Variants in P2RX5 observed in about 807,000 individuals in gnomAD.
The protein encoded by P2RX5 is P2X purinoceptor 5.
In P2RX5, 46 loss-of-function variants were observed where a neutral mutation model predicts 54.1. That is an observed-to-expected ratio of 0.85 (90% confidence interval 0.67 to 1.09). The LOEUF (loss-of-function observed/expected upper bound fraction) is 1.09, where lower values mean the gene tolerates loss of function less well. Among genes scored for constraint, P2RX5 ranks in the 50% least tolerant of loss-of-function variants. P2RX5 has a pLI of 0.00. For missense variants in P2RX5, 566 were observed against 549.8 expected, an observed-to-expected ratio of 1.03 and a Z score of -0.29; for synonymous variants, 226 against 226.4, an observed-to-expected ratio of 1.00 and a Z score of 0.02.
intron 10 of P2RX5, among the ~76,000 whole-genome samples, chr17:3,680,158 G>A (rs775366320): frequency 0.19 from 7,221 of 38,194 alleles, 1,272 homozygotes; most frequent in African/African-American, 0.26. Context: ...TCCTCCATCC[G>A]GTGTCCTCCA....
At chr17:3,715,666 A>G in the P2RX5 span, among the ~76,000 whole-genome samples, 6 of 152,128 alleles carry the variant, frequency 3.9e-5, no homozygotes, top group African/African-American at 1.4e-4. Context: ...CAGCCTGGGC[A>G]ATATAGGGAG....
At chr17:3,713,226 T>C in the P2RX5 span, among the ~76,000 whole-genome samples, 2 of 152,066 alleles carry the variant, frequency 1.3e-5, no homozygotes, top group Non-Finnish European at 2.9e-5. Flanking sequence ...CCGGGCATAG[T>C]GGCTTGCACC....
Position 3,673,402 on chromosome 17 carries a change from A to C in P2RX5, c.*466T>G. 1 of 1,057,444 alleles carries C rather than the reference A, an allele frequency of 9.5e-7. No individual in the cohort carries two copies. Among genetic ancestry groups the C allele is most frequent in the Non-Finnish European group, 1.1e-6 (1 of 872,868 alleles). 65.5% of individuals were successfully genotyped at this position (1,057,444 alleles called of 1,614,324 possible). A position where few individuals can be genotyped will look rare whatever the true frequency, so the allele number is the denominator to read the frequency against. On this transcript the variant is annotated 3_prime_UTR_variant, in exon 12 of 12. Transcript: ENST00000225328. ...TTTAGGAGAGAGAGTACTTGGATCCACTGGAGAGTATGCTCTGAGGGAAGC... is the reference window on the plus strand; with the variant it reads ...TTTAGGAGAGAGAGTACTTGGATCCCCTGGAGAGTATGCTCTGAGGGAAGC...
chr17:3,681,662 C>G (rs2050285190), intron 10 of P2RX5, among the ~76,000 whole-genome samples: 1 of 152,204 alleles, frequency 6.6e-6, no homozygotes, highest in Admixed American at 6.5e-5. Context: ...CAGAATCAGG[C>G]GGAGCCTGTG....
chr17:3,680,197 C>T (rs2050215768), intron 10 of P2RX5, among the ~76,000 whole-genome samples: 2 of 136,036 alleles, frequency 1.5e-5, no homozygotes, highest in Non-Finnish European at 3.2e-5. Flanking sequence ...GCGTCCTCCA[C>T]CCTGCATCCT....
chr17:3,697,519 C>G (rs1416337065), upstream of P2RX5, among the ~76,000 whole-genome samples: 1 of 152,156 alleles, frequency 6.6e-6, no homozygotes, highest in Non-Finnish European at 1.5e-5. Context: ...CTTCCCTAAG[C>G]CACAGACTCG....
chr17:3,701,999 G>A, the P2RX5 span, among the ~76,000 whole-genome samples: 3 of 151,978 alleles, frequency 2.0e-5, no homozygotes, highest in Non-Finnish European at 2.9e-5. Flanking sequence ...GGCTGGTCTC[G>A]AACTCCTGGC....
At chr17:3,675,002 A>T (rs2050069013) in intron 11 of P2RX5, among the ~76,000 whole-genome samples, 1 of 152,184 alleles carries the variant, frequency 6.6e-6, no homozygotes, top group Non-Finnish European at 1.5e-5. Flanking sequence ...GGGACTCCAT[A>T]AATATTTCCT....
At chr17:3,688,415 G>C (rs140429319) in intron 8 of P2RX5, among the ~76,000 whole-genome samples, 1 of 152,318 alleles carries the variant, frequency 6.6e-6, no homozygotes, top group Non-Finnish European at 1.5e-5. Flanking sequence ...GAGAGAAACA[G>C]GCAAGAACAC....
At chr17:3,721,140 G>C in the P2RX5 span, among the ~76,000 whole-genome samples, 1 of 151,792 alleles carries the variant, frequency 6.6e-6, no homozygotes, top group Non-Finnish European at 1.5e-5. Context: ...TGTTGCCCAG[G>C]CTGGTCTCAA....
intron 1 of P2RX5, among the ~76,000 whole-genome samples, chr17:3,693,556 T>A (rs879482635): frequency 3.9e-5 from 6 of 152,108 alleles, no homozygotes; most frequent in Admixed American, 3.9e-4. Context: ...ACCAACATGG[T>A]GAAACTCCGT....
chr17:3,719,199 G>A, the P2RX5 span, among the ~76,000 whole-genome samples: 6 of 140,204 alleles, frequency 4.3e-5, no homozygotes, highest in East Asian at 4.0e-4. Flanking sequence ...TGGCACCAAC[G>A]GACTCCAGCC....
chr17:3,721,475 A>G, the P2RX5 span, among the ~76,000 whole-genome samples: 1 of 151,140 alleles, frequency 6.6e-6, no homozygotes, highest in Non-Finnish European at 1.5e-5. Context: ...ATGGGGTTTC[A>G]CTATGCTGCC....
At chr17:3,695,175 C>G (rs757681097) in intron 1 of P2RX5, among the ~76,000 whole-genome samples, 2 of 152,212 alleles carry the variant, frequency 1.3e-5, no homozygotes, top group African/African-American at 2.4e-5. Context: ...CACCCCCGAC[C>G]CACCCCGGGG....
intron 2 of P2RX5, among the ~76,000 whole-genome samples, chr17:3,691,442 C>T (rs1382061303): frequency 2.0e-5 from 3 of 152,218 alleles, no homozygotes; most frequent in Non-Finnish European, 2.9e-5. Flanking sequence ...AGCAGTCACC[C>T]GCGGCACAGT....
At chr17:3,683,049 A>G (rs2050329779) in intron 9 of P2RX5, among the ~76,000 whole-genome samples, 1 of 152,100 alleles carries the variant, frequency 6.6e-6, no homozygotes, top group South Asian at 2.1e-4. Context: ...AACAAAAGCA[A>G]AAACAAACAA....
chr17:3,719,039 C>G, the P2RX5 span, among the ~76,000 whole-genome samples: 1 of 151,854 alleles, frequency 6.6e-6, no homozygotes, highest in Admixed American at 6.6e-5. Flanking sequence ...CGAGACCAGC[C>G]TGGCCAACAT....
chr17:3,674,020 A>T, intron 11 of P2RX5, 143 bp from the exon 12 acceptor site: 2 of 877,208 alleles, frequency 2.3e-6, no homozygotes, highest in Non-Finnish European at 3.7e-6. Context: ...TTTAAAAGCC[A>T]GTTTCCGGCC....
At chr17:3,679,502 C>T in intron 11 of P2RX5, 88 bp downstream of exon 11, 1 of 1,223,730 alleles carries the variant, frequency 8.2e-7, no homozygotes. Flanking sequence ...GAGGGGTCCG[C>T]TGGAGCTGCC....
Sources: allele counts gnomAD v4.1 joint callset (sites outside exome capture counted in the v4.1 genomes callset), GRCh38; gene constraint gnomAD v4.1.1; transcripts MANE v1.5; gene names NCBI Gene and HGNC (gene_info 2026-07-23, HGNC 2026-07-21).